LYPLAL1: variants seen among roughly 807,000 people sequenced by gnomAD.
LYPLAL1 encodes lysophospholipase-like protein 1.
LYPLAL1 carries 23 observed loss-of-function variants against 19.7 expected under a neutral mutation model. The observed-to-expected ratio is 1.17, with a 90% CI of 0.84 to 1.65. The LOEUF (loss-of-function observed/expected upper bound fraction) is 1.65. Ranked by LOEUF, LYPLAL1 falls within the 40% of genes most tolerant of loss-of-function variation. LYPLAL1 has a pLI of 0.00. For missense variants in LYPLAL1, 355 were observed against 279.4 expected (o/e 1.27, Z -1.93); for synonymous variants, 119 against 96.3 (o/e 1.24, Z -1.38).
At chr1:219,424,667 AC>A in the LYPLAL1 span, among the ~76,000 whole-genome samples, 1 of 152,168 alleles carries the variant, frequency 6.6e-6, no homozygotes, top group African/African-American at 2.4e-5. Flanking sequence ...AGCAGAGGCC[AC>A]CACACTGCTT....
chr1:219,375,762 G>T, the LYPLAL1 span, among the ~76,000 whole-genome samples: 2 of 149,300 alleles, frequency 1.3e-5, no homozygotes, highest in Non-Finnish European at 3.0e-5. Flanking sequence ...TTGGCGTGGG[G>T]GCAGAGTCTC....
chr1:219,229,622 G>A, the LYPLAL1 span, among the ~76,000 whole-genome samples: 1 of 152,196 alleles, frequency 6.6e-6, no homozygotes, highest in Non-Finnish European at 1.5e-5. Flanking sequence ...CCTATAGATG[G>A]CAAAACTAAA....
intron 2 of LYPLAL1, among the ~76,000 whole-genome samples, chr1:219,187,271 C>T (rs1656804408): frequency 6.6e-6 from 1 of 151,536 alleles, no homozygotes; most frequent in African/African-American, 2.4e-5. Context: ...TGTGAATTAC[C>T]ATTTTGATTA....
chr1:219,199,461 CAG>C (rs1013311651), intron 3 of LYPLAL1, among the ~76,000 whole-genome samples: 7 of 150,562 alleles, frequency 4.6e-5, no homozygotes, highest in African/African-American at 1.7e-4. Context: ...TTTTTGGAGA[CAG>C]AGTCTCGCTC....
chr1:219,336,754 C>A, the LYPLAL1 span, among the ~76,000 whole-genome samples: 1 of 151,944 alleles, frequency 6.6e-6, no homozygotes, highest in Non-Finnish European at 1.5e-5. Context: ...TACCTATAAC[C>A]AATCAGCTTG....
chr1:219,269,346 G>A, the LYPLAL1 span, among the ~76,000 whole-genome samples: 9 of 152,360 alleles, frequency 5.9e-5, no homozygotes, highest in African/African-American at 2.2e-4. Context: ...AACATGGAAT[G>A]AAGGCATGCC....
chr1:219,390,206 C>T, the LYPLAL1 span, among the ~76,000 whole-genome samples: 13 of 152,118 alleles, frequency 8.5e-5, no homozygotes, highest in Admixed American at 2.6e-4. Context: ...CCAAATATGG[C>T]GCTTTGACAT....
chr1:219,405,031 A>C, the LYPLAL1 span, among the ~76,000 whole-genome samples: 1 of 152,228 alleles, frequency 6.6e-6, no homozygotes, highest in Non-Finnish European at 1.5e-5. Flanking sequence ...TTAATCTGTT[A>C]ATCATCATCT....
the LYPLAL1 span, among the ~76,000 whole-genome samples, chr1:219,370,335 C>G: frequency 1.3e-5 from 2 of 152,198 alleles, no homozygotes; most frequent in Admixed American, 6.5e-5. Flanking sequence ...CCTGTGCTTT[C>G]TTTTCTCGTG....
chr1:219,259,926 G>A, the LYPLAL1 span, among the ~76,000 whole-genome samples: 152 of 129,740 alleles, frequency 1.2e-3, 1 homozygote, highest in African/African-American at 3.1e-3. Flanking sequence ...AGAAGTTTGA[G>A]TAATTAAACC....
the LYPLAL1 span, among the ~76,000 whole-genome samples, chr1:219,433,880 G>T: frequency 1.3e-5 from 2 of 152,122 alleles, no homozygotes; most frequent in African/African-American, 4.8e-5. Flanking sequence ...ATTGTTTGTC[G>T]AATGAATGCA....
chr1:219,310,769 A>G, the LYPLAL1 span, among the ~76,000 whole-genome samples: 1 of 152,222 alleles, frequency 6.6e-6, no homozygotes, highest in Admixed American at 6.5e-5. Context: ...CGAACAATAC[A>G]TGTAGGAAAC....
At chr1:219,242,152 G>T in the LYPLAL1 span, among the ~76,000 whole-genome samples, 1 of 152,190 alleles carries the variant, frequency 6.6e-6, no homozygotes, top group African/African-American at 2.4e-5. Context: ...ATCAGGCTAA[G>T]AACTATGTCC....
chr1:219,415,872 A>G, the LYPLAL1 span, among the ~76,000 whole-genome samples: 1 of 152,174 alleles, frequency 6.6e-6, no homozygotes, highest in African/African-American at 2.4e-5. Context: ...AATCACTTCA[A>G]TCTCTTCCTG....
At chr1:219,412,420 C>T in the LYPLAL1 span, among the ~76,000 whole-genome samples, 78,604 of 152,030 alleles carry the variant, frequency 0.52, 20,613 homozygotes, top group East Asian at 0.8. Flanking sequence ...GCTATTTCTA[C>T]AAAACATACT....
chr1:219,416,844 C>T, the LYPLAL1 span, among the ~76,000 whole-genome samples: 2 of 152,158 alleles, frequency 1.3e-5, no homozygotes, highest in Admixed American at 6.5e-5. Flanking sequence ...TCTCTTCATC[C>T]TGTCTGGACC....
the LYPLAL1 span, among the ~76,000 whole-genome samples, chr1:219,380,266 G>A: frequency 2.0e-5 from 3 of 152,206 alleles, no homozygotes; most frequent in Non-Finnish European, 4.4e-5. Flanking sequence ...GGGAGCAGGA[G>A]TCGTCAGGGA....
At chr1:219,442,612 G>A in the LYPLAL1 span, 1 of 152,230 alleles carries the variant, frequency 6.6e-6, no homozygotes, top group African/African-American at 2.4e-5. Flanking sequence ...AGCCTCTGGA[G>A]TGTCAGGTGG....
the LYPLAL1 span, among the ~76,000 whole-genome samples, chr1:219,262,179 G>A: frequency 1.3e-5 from 2 of 151,936 alleles, no homozygotes; most frequent in South Asian, 2.1e-4. Flanking sequence ...CTCTAAATGT[G>A]TCTTTCATTT....
Sources: allele counts gnomAD v4.1 joint callset (sites outside exome capture counted in the v4.1 genomes callset), GRCh38; gene constraint gnomAD v4.1.1; transcripts MANE v1.5; gene names NCBI Gene and HGNC (gene_info 2026-07-23, HGNC 2026-07-21).